Variants in DNAH14 observed in about 807,000 individuals in gnomAD.
The protein encoded by DNAH14 is dynein axonemal heavy chain 14.
In DNAH14, 478 loss-of-function variants were observed where a neutral mutation model predicts 520.9. That is an observed-to-expected ratio of 0.92 (90% confidence interval 0.85 to 0.99). The LOEUF is 0.99. Among genes scored for constraint, DNAH14 ranks in the 50% least tolerant of loss-of-function variants. DNAH14 has a pLI of 0.00. For missense variants in DNAH14, 4,831 were observed against 5,234.5 expected (o/e 0.92, Z 2.38); for synonymous variants, 1,581 against 1,757.2 (o/e 0.90, Z 2.51).
chr1:225,159,304 A>G lies in DNAH14; in HGVS notation c.5274-10A>G, dbSNP rs1329052057. The G allele has an allele frequency of 6.5e-7, 1 of 1,548,526 alleles. No individual in the cohort carries two copies. The highest frequency in any genetic ancestry group is 2.5e-5 in the East Asian group (1 of 40,808). ...TTGTTCTCTGTGTTTGTTTTCTTCT[A>G]CCATTGAAGTGATACCAGTGACAGT... is the stretch of plus-strand genomic sequence containing the variant. On this transcript the variant is annotated splice_polypyrimidine_tract_variant and intron_variant, in intron 34 of 85. Coordinates refer to ENST00000682510, the MANE Select transcript of DNAH14 (RefSeq NM_001367479.1).
At chr1:225,135,941 T>C (rs1395498573) in intron 27 of DNAH14, among the ~76,000 whole-genome samples, 1 of 152,154 alleles carries the variant, frequency 6.6e-6, no homozygotes, top group Non-Finnish European at 1.5e-5. Flanking sequence ...TCTTTGTTGG[T>C]TTAAAGTCTG....
Position 225,257,890 on chromosome 1 carries a change from A to C in DNAH14, c.6866-70A>C. ...GAAAATAAAATAATCCTAATGACAA[A>C]AAAAAAAAAAAGATGAGGTGAATAG... On this transcript the variant is annotated intron_variant, in intron 44 of 85. Transcript: ENST00000682510. 2.7e-6 allele frequency: 3 copies of C among 1,121,590 alleles called. No individual in the cohort carries two copies. The African/African-American group carries it at 5.1e-5, about 19-fold the overall frequency. 69.5% of individuals were successfully genotyped at this position (1,121,590 alleles called of 1,614,324 possible).
chr1:225,172,100 AT>A (rs1349087197), intron 36 of DNAH14, among the ~76,000 whole-genome samples: 1 of 152,240 alleles, frequency 6.6e-6, no homozygotes, highest in African/African-American at 2.4e-5. Flanking sequence ...TAAGGTATTG[AT>A]GGGACATATC....
intron 8 of DNAH14, among the ~76,000 whole-genome samples, chr1:225,001,301 G>T (rs1389066980): frequency 6.6e-6 from 1 of 151,932 alleles, no homozygotes; most frequent in Non-Finnish European, 1.5e-5. Flanking sequence ...GTTTTTAGTT[G>T]TACTGAGCAG....
At chr1:225,048,206 A>G (rs1558783672) in intron 15 of DNAH14, among the ~76,000 whole-genome samples, 2 of 152,224 alleles carry the variant, frequency 1.3e-5, no homozygotes, top group Non-Finnish European at 2.9e-5. Context: ...TGCATTTCAA[A>G]TTCAGCTATG....
At chr1:225,055,022 A>G (rs1031026675) in intron 17 of DNAH14, among the ~76,000 whole-genome samples, 1 of 150,458 alleles carries the variant, frequency 6.6e-6, no homozygotes, top group African/African-American at 2.4e-5. Context: ...TGCTGTATTG[A>G]TCAGTTGATC....
chr1:225,265,144 C>T (rs1261436435), intron 47 of DNAH14, 38 bp from the exon 48 acceptor site: 3 of 1,353,352 alleles, frequency 2.2e-6, no homozygotes, highest in Middle Eastern at 2.5e-4. Context: ...CTTAAAGTGT[C>T]CTAAATTTGT....
rs530875769 is a variant in DNAH14, at chr1:225,152,049, C to T, written c.4985C>T (p.Ala1662Val). 1.5e-4 allele frequency: 234 copies of T among 1,550,772 alleles called. 2 individuals carry two copies. The highest frequency in any genetic ancestry group is 1.1e-3 in the South Asian group (90 of 83,904). Reference protein sequence around the residue: ...GKEIRINMSCAVFITMNPRYG... With the variant: ...GKEIRINMSCVVFITMNPRYG... ...GAAATTCGTATCAATATGTCTTGTG[C>T]GGTATTTATCACCATGAATCCCAGG... Residue 1662 changes from alanine to valine, a missense_variant, in exon 32 of 86, where the codon GCG (alanine) becomes GTG (valine). Physicochemically the swap from Ala to Val is moderately conservative, Grantham distance 64 (BLOSUM62 0). Coordinates refer to ENST00000682510, the MANE Select transcript of DNAH14 (RefSeq NM_001367479.1).
At chr1:225,360,497 C>T (rs894515865) in intron 74 of DNAH14, among the ~76,000 whole-genome samples, 184 bp from the exon 75 acceptor site, 7 of 152,208 alleles carry the variant, frequency 4.6e-5, no homozygotes, top group African/African-American at 1.7e-4. Flanking sequence ...TTATCATCCT[C>T]GTGTGTTAGG....
chr1:225,135,317 T>G (rs2148985427), intron 27 of DNAH14, among the ~76,000 whole-genome samples: 1 of 152,308 alleles, frequency 6.6e-6, no homozygotes, highest in Non-Finnish European at 1.5e-5. Context: ...CTCTTAACAC[T>G]GCTTTAGCTG....
intron 81 of DNAH14, among the ~76,000 whole-genome samples, chr1:225,388,063 T>C (rs2095862876): frequency 6.6e-6 from 1 of 151,960 alleles, no homozygotes; most frequent in Admixed American, 6.6e-5. Context: ...TCACACCTAA[T>C]AGCATGTGAA....
chr1:225,143,403 CTTTTATT>C (rs1196248852), intron 28 of DNAH14, among the ~76,000 whole-genome samples: 1 of 151,892 alleles, frequency 6.6e-6, no homozygotes, highest in Non-Finnish European at 1.5e-5. Context: ...TTAAATTTTT[CTTTTATT>C]TTTAATTAAG....
At chr1:225,057,698 G>A (rs2069328320) in intron 17 of DNAH14, among the ~76,000 whole-genome samples, 1 of 152,144 alleles carries the variant, frequency 6.6e-6, no homozygotes, top group Non-Finnish European at 1.5e-5. Flanking sequence ...TTTGAGATAT[G>A]TCCCATCAAT....
chr1:225,252,164 A>T, intron 43 of DNAH14, 137 bp from the exon 44 acceptor site: 1 of 635,696 alleles, frequency 1.6e-6, no homozygotes, highest in Non-Finnish European at 2.8e-6. Flanking sequence ...ACAGGCCTAT[A>T]CACTTGGATA....
chr1:224,990,015 G>GT lies in DNAH14; in HGVS notation c.831-12758dup, dbSNP rs934642208. ...ATGAGGAATGATGGTCTGTGTTGTT[G>GT]TTTTTTTTTTAACTTTGCCTGATTT... On this transcript the variant is annotated intron_variant, in intron 8 of 85. Coordinates refer to ENST00000682510, the MANE Select transcript of DNAH14 (RefSeq NM_001367479.1). 4.3e-3 allele frequency among the ~76,000 whole-genome samples: 523 copies of GT among 120,326 alleles called. 2 individuals carry two copies. Among genetic ancestry groups the GT allele is most frequent in the African/African-American group, 0.024 (439 of 18,498 alleles). 78.9% of individuals were successfully genotyped at this position (120,326 alleles called of 152,430 possible).
chr1:225,110,923 T>C (rs922333922), intron 23 of DNAH14, among the ~76,000 whole-genome samples: 1 of 152,174 alleles, frequency 6.6e-6, no homozygotes, highest in Admixed American at 6.5e-5. Flanking sequence ...CATGTGTTTA[T>C]ATAATTTCCA....
chr1:225,278,355 C>G (rs1306976663), intron 54 of DNAH14, among the ~76,000 whole-genome samples: 1 of 152,172 alleles, frequency 6.6e-6, no homozygotes, highest in Non-Finnish European at 1.5e-5. Flanking sequence ...TTCAATTCAT[C>G]AAGAAGCCCT....
intron 8 of DNAH14, among the ~76,000 whole-genome samples, chr1:225,000,090 TG>T (rs1261667439): frequency 6.6e-6 from 1 of 152,174 alleles, no homozygotes; most frequent in Non-Finnish European, 1.5e-5. Flanking sequence ...ATTTTTAGTG[TG>T]GGTCTGTTAG....
intron 39 of DNAH14, among the ~76,000 whole-genome samples, chr1:225,204,890 ATTT>A (rs1383162989): frequency 1.3e-5 from 2 of 152,088 alleles, no homozygotes; most frequent in Admixed American, 6.5e-5. Context: ...TTTGTGTGTT[ATTT>A]TGGGGAGAGT....
Sources: gnomAD v4.1 joint callset for allele counts (sites outside exome capture counted in the v4.1 genomes callset) on GRCh38, gnomAD v4.1.1 for gene constraint, MANE v1.5 for transcripts, NCBI Gene and HGNC (gene_info 2026-07-23, HGNC 2026-07-21) for gene names.